The following CPNE4 variants were observed in gnomAD, a reference collection of about 807,000 sequenced individuals.
The protein encoded by CPNE4 is copine 4, also known as copine-4.
In CPNE4, 25 loss-of-function variants were observed where a neutral mutation model predicts 67.9. The ratio of observed to expected loss-of-function variants is 0.37; its 90% confidence interval spans 0.27 to 0.51. The LOEUF (loss-of-function observed/expected upper bound fraction) is 0.51, where lower values mean the gene tolerates loss of function less well. CPNE4 is among the 20% of genes least tolerant of loss of function. The probability of loss-of-function intolerance (pLI) is 0.93; values close to 1 mark genes in which losing one functional copy is unlikely to be tolerated. For missense variants in CPNE4, 464 were observed against 690.8 expected, an observed-to-expected ratio of 0.67 and a Z score of 3.68; for synonymous variants, 242 against 244.9, an observed-to-expected ratio of 0.99 and a Z score of 0.11.
Position 131,770,935 on chromosome 3 carries a change from T to C in CPNE4, c.181-47310A>G, listed in dbSNP as rs552104529. Among the ~76,000 whole-genome samples, 7 of 152,268 alleles carry C rather than the reference T, an allele frequency of 4.6e-5. No individual in the cohort carries two copies. The East Asian group carries it at 9.7e-4, about 21-fold the overall frequency. On this transcript the variant is annotated intron_variant, in intron 2 of 15. Coordinates refer to ENST00000429747, the MANE Select transcript of CPNE4 (RefSeq NM_130808.3). ...GAGACATTACATATCTTTTCAAAAGTTGGATATTTCATTTTATTGATCAAG... is the reference window on the plus strand; with the variant it reads ...GAGACATTACATATCTTTTCAAAAGCTGGATATTTCATTTTATTGATCAAG...
intron 2 of CPNE4, among the ~76,000 whole-genome samples, chr3:131,872,381 G>A (rs562471309): frequency 6.6e-6 from 1 of 152,196 alleles, no homozygotes; most frequent in African/African-American, 2.4e-5. Context: ...AGAACCAGGA[G>A]GACTCAATGT....
chr3:131,823,244 C>T (rs368939924), intron 2 of CPNE4, among the ~76,000 whole-genome samples: 40 of 152,332 alleles, frequency 2.6e-4, no homozygotes, highest in African/African-American at 9.4e-4. Flanking sequence ...CTAGATGCTT[C>T]ACATACTATT....
At chr3:131,959,695 G>C (rs79215574) in intron 1 of CPNE4, among the ~76,000 whole-genome samples, 5,826 of 152,200 alleles carry the variant, frequency 0.038, 162 homozygotes, top group Admixed American at 0.052. Context: ...ACACAATCAT[G>C]CCTCTCTGGA....
intron 2 of CPNE4, among the ~76,000 whole-genome samples, chr3:131,793,322 A>G (rs888876570): frequency 2.2e-4 from 33 of 152,122 alleles, no homozygotes; most frequent in African/African-American, 7.7e-4. Context: ...ATTGTATCAC[A>G]TCACTCCCCT....
intron 1 of CPNE4, among the ~76,000 whole-genome samples, chr3:131,943,005 G>C (rs2071444419): frequency 6.6e-6 from 1 of 152,050 alleles, no homozygotes; most frequent in Non-Finnish European, 1.5e-5. Context: ...AAAACTATAG[G>C]CTCACAATTC....
intron 1 of CPNE4, among the ~76,000 whole-genome samples, chr3:131,942,459 TGTGTGAGAGAGAGAGAGAGA>T (rs1247775909): frequency 1.1e-3 from 61 of 56,402 alleles, no homozygotes; most frequent in East Asian, 3.9e-3. Flanking sequence ...TGTGTGTGTG[TGTGTGAGAGAGAGAGAGAGA>T]GAGAGAGAGA....
At position 131,607,639 on chromosome 3, in the gene CPNE4, G is replaced by T. The variant is rs377048585; in HGVS notation, c.682-20057C>A. Among the ~76,000 whole-genome samples the T allele has an allele frequency of 1.6e-3, 242 of 152,204 alleles. 4 individuals carry two copies. The South Asian group carries it at 0.018, about 12-fold the overall frequency. ...TATCATTTTTGAAAAAGCACACATC[G>T]AAATGTATTAATCCATATAGTGGCA... On this transcript the variant is annotated intron_variant, in intron 7 of 15. Coordinates refer to ENST00000429747, the MANE Select transcript of CPNE4 (RefSeq NM_130808.3).
intron 7 of CPNE4, among the ~76,000 whole-genome samples, chr3:131,650,495 C>T (rs1483412084): frequency 2.1e-5 from 3 of 142,162 alleles, no homozygotes; most frequent in African/African-American, 6.2e-5. Flanking sequence ...CGGTGGCTCA[C>T]GCTTGTAATC....
chr3:131,914,417 C>G (rs1372202974), intron 1 of CPNE4, among the ~76,000 whole-genome samples: 1 of 152,100 alleles, frequency 6.6e-6, no homozygotes, highest in Admixed American at 6.6e-5. Flanking sequence ...TCTCTGTCTC[C>G]TCCCCTTCTC....
At chr3:131,899,025 A>G (rs948985177) in intron 2 of CPNE4, among the ~76,000 whole-genome samples, 1 of 152,138 alleles carries the variant, frequency 6.6e-6, no homozygotes, top group Non-Finnish European at 1.5e-5. Context: ...TTGCAAGTCA[A>G]CAAAGTGTGA....
intron 7 of CPNE4, among the ~76,000 whole-genome samples, chr3:131,645,652 T>A (rs2079646139): frequency 6.6e-6 from 1 of 152,220 alleles, no homozygotes; most frequent in African/African-American, 2.4e-5. Flanking sequence ...ATTTTTTTAT[T>A]CTTTGAAGTC....
intron 2 of CPNE4, among the ~76,000 whole-genome samples, chr3:131,743,921 C>G (rs1163882739): frequency 7.9e-6 from 1 of 126,526 alleles, no homozygotes; most frequent in Non-Finnish European, 1.6e-5. Flanking sequence ...CGAGATCGCG[C>G]CACTGCACTC....
At position 131,743,676 on chromosome 3, in the gene CPNE4, A is replaced by G. The variant is rs192298686; in HGVS notation, c.181-20051T>C. ...CAGGGAAACACATGATCATATTTAT[A>G]GTTGCTAAAAACAATACTGTAAAAT... On this transcript the variant is annotated intron_variant, in intron 2 of 15. Transcript: ENST00000429747. Among the ~76,000 whole-genome samples, 358 of 152,328 alleles carry G rather than the reference A, an allele frequency of 2.4e-3. 1 individual carries two copies. Among genetic ancestry groups the G allele is most frequent in the African/African-American group, 8.3e-3 (344 of 41,582 alleles).
chr3:131,830,711 A>G (rs1383757182), intron 2 of CPNE4, among the ~76,000 whole-genome samples: 1 of 152,000 alleles, frequency 6.6e-6, no homozygotes, highest in African/African-American at 2.4e-5. Flanking sequence ...ATTATATATT[A>G]TTTATTGTTT....
chr3:131,625,836 C>T (rs1436657312), intron 7 of CPNE4, among the ~76,000 whole-genome samples: 2 of 152,164 alleles, frequency 1.3e-5, no homozygotes, highest in African/African-American at 4.8e-5. Flanking sequence ...TGAAAGTTTG[C>T]AGCAACCCTG....
At chr3:131,592,220 T>C (rs1225928901) in intron 7 of CPNE4, among the ~76,000 whole-genome samples, 1 of 152,196 alleles carries the variant, frequency 6.6e-6, no homozygotes, top group Non-Finnish European at 1.5e-5. Context: ...TGCCAGACAT[T>C]GTTCAGAGCA....
intron 1 of CPNE4, among the ~76,000 whole-genome samples, chr3:131,914,029 A>G (rs1226246177): frequency 6.6e-6 from 1 of 152,180 alleles, no homozygotes; most frequent in Non-Finnish European, 1.5e-5. Context: ...TTTAATTCTT[A>G]TATATCTTCC....
At chr3:131,989,553 A>C (rs6439327) in intron 1 of CPNE4, among the ~76,000 whole-genome samples, 4,387 of 152,260 alleles carry the variant, frequency 0.029, 215 homozygotes, top group African/African-American at 0.099. Context: ...TCTACCAGGA[A>C]AACAGATATG....
At chr3:131,601,649 G>A (rs1445942289) in intron 7 of CPNE4, among the ~76,000 whole-genome samples, 1 of 152,122 alleles carries the variant, frequency 6.6e-6, no homozygotes, top group Non-Finnish European at 1.5e-5. Flanking sequence ...AATTTGCTGG[G>A]AGCCTGAAGG....
Sources: allele counts gnomAD v4.1 joint callset (sites outside exome capture counted in the v4.1 genomes callset), GRCh38; gene constraint gnomAD v4.1.1; transcripts MANE v1.5; gene names NCBI Gene and HGNC (gene_info 2026-07-23, HGNC 2026-07-21).